The following RNF150 variants were observed in gnomAD, a reference collection of about 807,000 sequenced individuals.
RNF150 encodes the protein ring finger protein 150.
In RNF150, 24 loss-of-function variants were observed where a neutral mutation model predicts 39.3. That is an observed-to-expected ratio of 0.61 (90% CI 0.44 to 0.86). The LOEUF is 0.86. RNF150 is among the 40% of genes least tolerant of loss of function. The pLI, the probability that RNF150 is intolerant of heterozygous loss-of-function variation, is 0.00. For synonymous variants in RNF150, 255 were observed against 227.3 expected, an observed-to-expected ratio of 1.12 and a Z score of -1.10; for missense variants, 502 against 587.8, an observed-to-expected ratio of 0.85 and a Z score of 1.51.
chr4:141,033,848 C>T (rs1465118394), intron 1 of RNF150, among the ~76,000 whole-genome samples: 3 of 152,086 alleles, frequency 2.0e-5, no homozygotes, highest in Non-Finnish European at 1.5e-5. Context: ...TTCAGTAAAC[C>T]ATGCTGTAAA....
intron 1 of RNF150, among the ~76,000 whole-genome samples, chr4:141,124,001 G>C (rs1434319329): frequency 6.6e-6 from 1 of 152,064 alleles, no homozygotes; most frequent in Non-Finnish European, 1.5e-5. Flanking sequence ...GAATAGTGCT[G>C]CAATATTTGT....
intron 1 of RNF150, among the ~76,000 whole-genome samples, chr4:140,976,759 C>G (rs1259979687): frequency 6.6e-6 from 1 of 152,062 alleles, no homozygotes; most frequent in African/African-American, 2.4e-5. Context: ...AGCTCCCCTG[C>G]ACTTCTATTT....
chr4:141,143,262 G>A (rs1180558021), intron 1 of RNF150, among the ~76,000 whole-genome samples: 1 of 152,088 alleles, frequency 6.6e-6, no homozygotes, highest in Non-Finnish European at 1.5e-5. Flanking sequence ...TATCTATATT[G>A]AAGATTTATG....
chr4:141,197,631 C>G (rs1728221660), intron 1 of RNF150, among the ~76,000 whole-genome samples: 1 of 152,138 alleles, frequency 6.6e-6, no homozygotes, highest in Admixed American at 6.5e-5. Flanking sequence ...GTAATCCCAG[C>G]ACTTTGGGAG....
chr4:140,989,626 G>A (rs1273283024), intron 1 of RNF150, among the ~76,000 whole-genome samples: 1 of 152,150 alleles, frequency 6.6e-6, no homozygotes, highest in Non-Finnish European at 1.5e-5. Flanking sequence ...CTTCCAGAAA[G>A]AGGCAAAATC....
At chr4:141,183,289 AG>A (rs1277072379) in intron 1 of RNF150, among the ~76,000 whole-genome samples, 1 of 151,822 alleles carries the variant, frequency 6.6e-6, no homozygotes, top group African/African-American at 2.4e-5. Flanking sequence ...TTGACTCAGT[AG>A]GTATGGTAGG....
intron 1 of RNF150, among the ~76,000 whole-genome samples, chr4:141,122,803 ATC>A (rs1485318127): frequency 6.6e-6 from 1 of 152,246 alleles, no homozygotes; most frequent in Non-Finnish European, 1.5e-5. Flanking sequence ...GGTTCTTACT[ATC>A]TCTTTTTAAA....
At chr4:140,877,107 GT>G in intron 6 of RNF150, among the ~76,000 whole-genome samples, 1 of 152,290 alleles carries the variant, frequency 6.6e-6, no homozygotes, top group South Asian at 2.1e-4. Context: ...TCTCTTTGCT[GT>G]TGGTTTTCTT....
chr4:141,130,414 AT>A (rs900766162), intron 1 of RNF150, among the ~76,000 whole-genome samples: 72 of 150,618 alleles, frequency 4.8e-4, no homozygotes, highest in Admixed American at 1.1e-3. Context: ...ACAATTTCCA[AT>A]TTTTTTTTTC....
intron 1 of RNF150, among the ~76,000 whole-genome samples, chr4:141,060,567 T>C (rs372251221): frequency 1.3e-5 from 2 of 152,226 alleles, no homozygotes; most frequent in African/African-American, 4.8e-5. Context: ...AAATTAAACA[T>C]AGATATCCAG....
intron 1 of RNF150, among the ~76,000 whole-genome samples, chr4:140,986,378 G>T (rs1378757955): frequency 9.2e-5 from 14 of 152,038 alleles, no homozygotes; most frequent in Admixed American, 9.2e-4. Flanking sequence ...TTTAAGTTTA[G>T]AAATGGTTTT....
intron 5 of RNF150, among the ~76,000 whole-genome samples, chr4:140,913,365 C>T (rs1730692620): frequency 6.6e-6 from 1 of 152,172 alleles, no homozygotes. Flanking sequence ...TGCTCAAGAG[C>T]CTGGCCCCAG....
chr4:141,023,258 G>C (rs1236404730), intron 1 of RNF150, among the ~76,000 whole-genome samples: 1 of 149,468 alleles, frequency 6.7e-6, no homozygotes, highest in Non-Finnish European at 1.5e-5. Flanking sequence ...TGATGATGAT[G>C]TTTGAGTGAT....
chr4:140,892,266 A>ACCC (rs1729780641), intron 6 of RNF150, among the ~76,000 whole-genome samples: 1 of 151,880 alleles, frequency 6.6e-6, no homozygotes, highest in African/African-American at 2.4e-5. Context: ...AAGTTGTTGA[A>ACCC]CCCCCTCATT....
chr4:141,168,531 C>A (rs183263237), intron 1 of RNF150, among the ~76,000 whole-genome samples: 7 of 152,176 alleles, frequency 4.6e-5, no homozygotes, highest in Non-Finnish European at 1.0e-4. Flanking sequence ...ATAGCAAAGA[C>A]TCGGAACCAA....
chr4:141,141,401 C>T (rs1000249180), intron 1 of RNF150, among the ~76,000 whole-genome samples: 7 of 152,132 alleles, frequency 4.6e-5, no homozygotes, highest in East Asian at 1.9e-4. Flanking sequence ...AGTCTACAAA[C>T]GAATCTGGAT....
chr4:141,083,771 G>C (rs938609854), intron 1 of RNF150, among the ~76,000 whole-genome samples: 1 of 152,080 alleles, frequency 6.6e-6, no homozygotes, highest in Non-Finnish European at 1.5e-5. Flanking sequence ...ACAAAGCTAC[G>C]TGGTTCAAAT....
At chr4:140,985,366 A>C (rs1733984748) in intron 1 of RNF150, among the ~76,000 whole-genome samples, 1 of 152,162 alleles carries the variant, frequency 6.6e-6, no homozygotes, top group South Asian at 2.1e-4. Context: ...CAAACTGCCT[A>C]TCTGAAGGGA....
intron 1 of RNF150, among the ~76,000 whole-genome samples, chr4:141,073,969 C>A (rs1055236805): frequency 1.3e-5 from 2 of 151,670 alleles, no homozygotes; most frequent in African/African-American, 4.8e-5. Context: ...GGGGGTGATT[C>A]CTGAGGTAGA....
Sources: allele counts gnomAD v4.1 joint callset (sites outside exome capture counted in the v4.1 genomes callset), GRCh38; gene constraint gnomAD v4.1.1; transcripts MANE v1.5; gene names NCBI Gene and HGNC (gene_info 2026-07-23, HGNC 2026-07-21).